The following DAB1 variants were observed in gnomAD, a reference collection of about 807,000 sequenced individuals.
DAB1 encodes disabled homolog 1.
A neutral mutation model predicts 64.6 loss-of-function variants in DAB1; 15 were observed. That is an observed-to-expected ratio of 0.23 (90% CI 0.16 to 0.36). The LOEUF is 0.36. Ranked by LOEUF, DAB1 falls within the 10% of genes least tolerant of loss-of-function variation. The probability of loss-of-function intolerance (pLI) is 1.00; values close to 1 mark genes in which losing one functional copy is unlikely to be tolerated. For missense variants in DAB1, 596 were observed against 706.7 expected (o/e 0.84, Z 1.78); for synonymous variants, 235 against 251.9 (o/e 0.93, Z 0.64).
intron 1 of DAB1, among the ~76,000 whole-genome samples, chr1:57,370,144 T>C (rs993941290): frequency 4.1e-4 from 63 of 152,334 alleles, no homozygotes; most frequent in African/African-American, 1.5e-3. Context: ...AGGCATTGTC[T>C]GCTTGTTTCT....
chr1:57,562,356 G>C (rs910485430), intron 7 of DAB1, among the ~76,000 whole-genome samples: 16 of 152,222 alleles, frequency 1.1e-4, no homozygotes, highest in Non-Finnish European at 1.6e-4. Flanking sequence ...CTGGGTGACA[G>C]ACTGAGACTC....
At chr1:58,083,409 A>G (rs1477210622) in intron 5 of DAB1, among the ~76,000 whole-genome samples, 1 of 152,172 alleles carries the variant, frequency 6.6e-6, no homozygotes, top group Non-Finnish European at 1.5e-5. Context: ...TGAAGGCCAG[A>G]GCTGGTTTCA....
At chr1:57,007,413 G>T (rs912530037) in intron 14 of DAB1, among the ~76,000 whole-genome samples, 1 of 152,136 alleles carries the variant, frequency 6.6e-6, no homozygotes, top group Non-Finnish European at 1.5e-5. Flanking sequence ...TAAATTACCT[G>T]CCATTCCCAT....
intron 6 of DAB1, among the ~76,000 whole-genome samples, chr1:57,716,121 G>T (rs912802526): frequency 6.6e-6 from 1 of 152,100 alleles, no homozygotes; most frequent in Non-Finnish European, 1.5e-5. Flanking sequence ...TGTTGGTCAG[G>T]CTGGTCTCGA....
At chr1:57,353,841 A>G (rs1678831304) in intron 1 of DAB1, among the ~76,000 whole-genome samples, 1 of 152,148 alleles carries the variant, frequency 6.6e-6, no homozygotes, top group Admixed American at 6.5e-5. Flanking sequence ...AACTTCATAC[A>G]CATACAACTT....
At chr1:57,693,205 C>T (rs528495695) in intron 6 of DAB1, among the ~76,000 whole-genome samples, 27 of 151,356 alleles carry the variant, frequency 1.8e-4, no homozygotes, top group Non-Finnish European at 3.5e-4. Context: ...CCTTCTTCGC[C>T]CCTACTTAGC....
chr1:58,299,149 C>T (rs896232168), intron 4 of DAB1, among the ~76,000 whole-genome samples: 4 of 152,146 alleles, frequency 2.6e-5, no homozygotes, highest in African/African-American at 9.7e-5. Context: ...ATCTGTAGCA[C>T]CCAGCAGAGG....
intron 7 of DAB1, among the ~76,000 whole-genome samples, chr1:57,471,935 A>C (rs1258374378): frequency 2.0e-5 from 3 of 152,238 alleles, no homozygotes; most frequent in East Asian, 1.9e-4. Context: ...ACACAGTTAG[A>C]AGGGACTTTG....
intron 4 of DAB1, among the ~76,000 whole-genome samples, chr1:58,260,954 T>C (rs1323644225): frequency 1.3e-5 from 2 of 152,170 alleles, no homozygotes; most frequent in Non-Finnish European, 2.9e-5. Flanking sequence ...ATTTCTGTTC[T>C]CCAAACTGGG....
chr1:57,026,164 G>A (rs528678704), intron 9 of DAB1, 121 bp from the exon 10 acceptor site: 24 of 722,096 alleles, frequency 3.3e-5, no homozygotes, highest in South Asian at 1.6e-4. Flanking sequence ...TAGATAAACC[G>A]TAATCCTGAT....
chr1:57,474,805 G>T (rs1403330493), intron 7 of DAB1, among the ~76,000 whole-genome samples: 2 of 152,150 alleles, frequency 1.3e-5, no homozygotes, highest in Non-Finnish European at 2.9e-5. Flanking sequence ...TATCAGCTAA[G>T]AAGTATTATA....
intron 11 of DAB1, among the ~76,000 whole-genome samples, chr1:57,020,632 A>G (rs1269600740): frequency 6.6e-6 from 1 of 152,212 alleles, no homozygotes; most frequent in African/African-American, 2.4e-5. Flanking sequence ...GTAGAACAGG[A>G]CATATATTCA....
At chr1:57,465,209 C>A (rs1686915410) in intron 7 of DAB1, among the ~76,000 whole-genome samples, 1 of 152,192 alleles carries the variant, frequency 6.6e-6, no homozygotes, top group African/African-American at 2.4e-5. Flanking sequence ...GTCAAAGCTA[C>A]TTGCACAGTT....
intron 5 of DAB1, among the ~76,000 whole-genome samples, chr1:57,985,393 T>G (rs574734951): frequency 6.6e-6 from 1 of 152,158 alleles, no homozygotes; most frequent in Admixed American, 6.5e-5. Context: ...TGGAACATGT[T>G]TGTGTCACCC....
At chr1:57,472,991 G>C (rs937493685) in intron 7 of DAB1, among the ~76,000 whole-genome samples, 1 of 152,176 alleles carries the variant, frequency 6.6e-6, no homozygotes, top group Non-Finnish European at 1.5e-5. Context: ...GAGTAGGAAG[G>C]GTTTGCTTTA....
intron 6 of DAB1, among the ~76,000 whole-genome samples, chr1:57,800,064 T>C (rs1359587146): frequency 6.6e-6 from 1 of 152,226 alleles, no homozygotes; most frequent in African/African-American, 2.4e-5. Flanking sequence ...CGATCTGCCA[T>C]GTGTTTTATC....
chr1:57,954,211 G>A (rs115510919), intron 5 of DAB1, among the ~76,000 whole-genome samples: 194 of 152,038 alleles, frequency 1.3e-3, no homozygotes, highest in African/African-American at 4.4e-3. Context: ...TCTATTTTTC[G>A]GTCTTTTCAG....
intron 7 of DAB1, among the ~76,000 whole-genome samples, chr1:57,567,586 A>G (rs542589709): frequency 9.5e-4 from 144 of 152,350 alleles, no homozygotes; most frequent in African/African-American, 3.3e-3. Flanking sequence ...AAGTCTCAGG[A>G]TACAAAATCA....
At position 57,541,285 on chromosome 1, in the gene DAB1, C is replaced by T. The variant is rs180894822; in HGVS notation, n.625+108307G>A. ...CTGGGACTACAGGCGCCTGCCACCA[C>T]GCCCAGCTAATTTTTTTGTATTTTT... On this transcript the variant is annotated intron_variant and non_coding_transcript_variant, in intron 7 of 20. Coordinates refer to the DAB1 transcript ENST00000485760. Among the ~76,000 whole-genome samples the T allele has an allele frequency of 5.9e-3, 904 of 152,132 alleles. 4 individuals carry two copies. Among genetic ancestry groups the T allele is most frequent in the African/African-American group, 0.013 (546 of 41,522 alleles).
Sources: gnomAD v4.1 joint callset for allele counts (sites outside exome capture counted in the v4.1 genomes callset) on GRCh38, gnomAD v4.1.1 for gene constraint, MANE v1.5 for transcripts, NCBI Gene and HGNC (gene_info 2026-07-23, HGNC 2026-07-21) for gene names.